TSG101: variants seen among roughly 807,000 people sequenced by gnomAD.
TSG101 encodes the protein tumor susceptibility 101.
A neutral mutation model predicts 48.5 loss-of-function variants in TSG101; 19 were observed. The observed-to-expected ratio is 0.39, with a 90% CI of 0.27 to 0.58. TSG101 has a LOEUF of 0.58. Among genes scored for constraint, TSG101 ranks in the 20% least tolerant of loss-of-function variants. The probability of loss-of-function intolerance (pLI) is 0.55; values close to 1 mark genes in which losing one functional copy is unlikely to be tolerated. For missense variants in TSG101, 365 were observed against 484.4 expected, an observed-to-expected ratio of 0.75 and a Z score of 2.31; for synonymous variants, 174 against 169.4, an observed-to-expected ratio of 1.03 and a Z score of -0.21.
chr11:18,495,003 C>T (rs1213077610), intron 7 of TSG101, among the ~76,000 whole-genome samples: 1 of 152,182 alleles, frequency 6.6e-6, no homozygotes, highest in African/African-American at 2.4e-5. Flanking sequence ...TACAGAAACA[C>T]ATCATTCAGC....
intron 1 of TSG101, among the ~76,000 whole-genome samples, chr11:18,520,434 A>G (rs1850250831): frequency 6.6e-6 from 1 of 152,120 alleles, no homozygotes; most frequent in Non-Finnish European, 1.5e-5. Context: ...TATGTTGCCC[A>G]GGCTGGTCTC....
In TSG101 at chr11:18,480,406, G is replaced by T; in HGVS notation, c.*140C>A. The T allele has an allele frequency of 1.5e-6, 1 of 652,690 alleles. No individual in the cohort carries two copies. Among genetic ancestry groups the T allele is most frequent in the Non-Finnish European group, 2.5e-6 (1 of 406,796 alleles). The allele number at this position is 652,690 out of a possible 1,614,324, so 40.4% of individuals were successfully genotyped here. A position where few individuals can be genotyped will look rare whatever the true frequency, so the allele number is the denominator to read the frequency against. ...TAATAAAAGCCAGTCTTTACCAAAA[G>T]AAAACAGAAAATATATTATTGATTC... On this transcript the variant is annotated 3_prime_UTR_variant, in exon 10 of 10. Transcript: ENST00000251968.
Position 18,502,588 on chromosome 11 carries a change from G to T in TSG101, c.549-11C>A. ...CAGCCTGGGTAACCACTAAAGACAAGAACAAAAAACATTTAACATTTAAGA... is the reference window on the plus strand; with the variant it reads ...CAGCCTGGGTAACCACTAAAGACAATAACAAAAAACATTTAACATTTAAGA... On this transcript the variant is annotated splice_polypyrimidine_tract_variant and intron_variant, in intron 6 of 9. Transcript: ENST00000251968. 6.3e-7 allele frequency: 1 copy of T among 1,599,670 alleles called. No homozygotes were observed. Among genetic ancestry groups the T allele is most frequent in the Non-Finnish European group, 8.5e-7 (1 of 1,170,898 alleles).
rs764538057 is a variant in TSG101 at position 18,481,704 on chromosome 11, C to T, written c.1009G>A (p.Ala337Thr). 3 of 1,614,102 alleles carry T rather than the reference C, an allele frequency of 1.9e-6. No homozygotes were observed. Among genetic ancestry groups the T allele is most frequent in the East Asian group, 2.2e-5 (1 of 44,874 alleles). The stretch of plus-strand genomic sequence containing the variant: ...AAGTAAAAGATAGTGTCTTCAATAG[C>T]GTTTTCTTCTGCATACAGATTCAGG... ...QILNLYAEEN[A>T]IEDTIFYLGE... The change falls in exon 9 of 10, where the codon GCT becomes ACT. Residue 337 changes from alanine to threonine, a missense_variant. Ala to Thr is a moderately conservative substitution (Grantham distance 58). Transcript: ENST00000251968.
intron 1 of TSG101, among the ~76,000 whole-genome samples, chr11:18,523,080 G>C (rs1412702556): frequency 6.6e-6 from 1 of 152,082 alleles, no homozygotes; most frequent in Non-Finnish European, 1.5e-5. Context: ...GTAGAGAAGA[G>C]ACAAGGTCAT....
chr11:18,498,804 A>G (rs1303367781), intron 7 of TSG101, among the ~76,000 whole-genome samples: 1 of 152,156 alleles, frequency 6.6e-6, no homozygotes, highest in Non-Finnish European at 1.5e-5. Flanking sequence ...CCAGGGTCAC[A>G]CCAATGTTAA....
At chr11:18,481,411 C>G (rs1254542663) in intron 9 of TSG101, 15 of 1,337,910 alleles carry the variant, frequency 1.1e-5, no homozygotes, top group Non-Finnish European at 1.1e-5. Flanking sequence ...GGGCAGAGAA[C>G]TGCAGCCACC....
chr11:18,502,024 C>T (rs1181534866), intron 7 of TSG101, among the ~76,000 whole-genome samples: 2 of 152,212 alleles, frequency 1.3e-5, no homozygotes, highest in Admixed American at 1.3e-4. Context: ...GAAATTCTCT[C>T]ACTGCCTTAG....
chr11:18,519,206 T>C (rs531650058), intron 2 of TSG101, among the ~76,000 whole-genome samples: 1 of 152,146 alleles, frequency 6.6e-6, no homozygotes, highest in East Asian at 1.9e-4. Context: ...GGTTTCACCA[T>C]ATTGCCCAGG....
At position 18,481,181 on chromosome 11, in the gene TSG101, T is replaced by G. The variant is rs746619849; in HGVS notation, c.1083+449A>C. On this transcript the variant is annotated intron_variant, in intron 9 of 9. Coordinates refer to ENST00000251968, the MANE Select transcript of TSG101 (RefSeq NM_006292.4). ...ACAACAGCATTAAGCTTGAGACAAC[T>G]TTCATACAAGAGGGCTTGAAAGGGC... 398 of 720,612 alleles carry G rather than the reference T, an allele frequency of 5.5e-4. 1 individual carries two copies. Among genetic ancestry groups the G allele is most frequent in the Non-Finnish European group, 6.5e-4 (383 of 588,696 alleles). The allele number at this position is 720,612 out of a possible 1,614,324, so 44.6% of individuals were successfully genotyped here.
intron 5 of TSG101, 126 bp downstream of exon 5, chr11:18,509,416 C>A (rs1850039142): frequency 7.6e-7 from 1 of 1,324,008 alleles, no homozygotes; most frequent in Non-Finnish European, 1.0e-6. Context: ...CAGAATACTT[C>A]CAAAAAATCC....
At chr11:18,514,428 T>C (rs1378510243) in intron 4 of TSG101, among the ~76,000 whole-genome samples, 1 of 152,226 alleles carries the variant, frequency 6.6e-6, no homozygotes, top group East Asian at 1.9e-4. Flanking sequence ...ATGTGAATCC[T>C]GCCTATTTTA....
chr11:18,516,549 T>C (rs1025318491), intron 2 of TSG101, among the ~76,000 whole-genome samples: 4 of 152,020 alleles, frequency 2.6e-5, no homozygotes, highest in Admixed American at 6.6e-5. Context: ...CTTCACCATG[T>C]TGGCTAGGCT....
intron 6 of TSG101, among the ~76,000 whole-genome samples, chr11:18,506,155 T>C (rs1478832039): frequency 6.6e-6 from 1 of 152,100 alleles, no homozygotes; most frequent in African/African-American, 2.4e-5. Context: ...AAGGTGTGTG[T>C]GTATAATTTG....
rs1047914958 is a variant in TSG101 at position 18,484,714 on chromosome 11, T to C, written c.641-642A>G. On this transcript the variant is annotated intron_variant, in intron 7 of 9. Transcript: ENST00000251968. ...ATGTCCCTTCCTAATCAGTATATTA[T>C]ATCATTTCCATGCATATTTCAGATC... Among the ~76,000 whole-genome samples, 6 of 152,246 alleles carry C rather than the reference T, an allele frequency of 3.9e-5. No homozygotes were observed. The South Asian group carries it at 6.2e-4, about 16-fold the overall frequency.
intron 7 of TSG101, among the ~76,000 whole-genome samples, chr11:18,493,701 A>G (rs536119923): frequency 2.4e-4 from 37 of 152,326 alleles, no homozygotes; most frequent in African/African-American, 8.2e-4. Context: ...ACATATGAGG[A>G]TTATTTTTCT....
intron 4 of TSG101, 44 bp downstream of exon 4, chr11:18,514,634 A>G: frequency 4.8e-6 from 7 of 1,469,088 alleles, no homozygotes; most frequent in Non-Finnish European, 6.3e-6. Context: ...AGTGAGCAAA[A>G]TATATAAAAC....
intron 6 of TSG101, among the ~76,000 whole-genome samples, chr11:18,503,869 A>G (rs948130065): frequency 1.3e-5 from 2 of 152,100 alleles, no homozygotes; most frequent in African/African-American, 4.8e-5. Context: ...CAATTCTATG[A>G]CATTTGCCTT....
At chr11:18,514,053 C>T (rs1850129295) in intron 4 of TSG101, among the ~76,000 whole-genome samples, 1 of 151,730 alleles carries the variant, frequency 6.6e-6, no homozygotes, top group African/African-American at 2.4e-5. Context: ...CCACTGCCCT[C>T]CAGCCTGGGC....
Sources: gnomAD v4.1 joint callset for allele counts (sites outside exome capture counted in the v4.1 genomes callset) on GRCh38, gnomAD v4.1.1 for gene constraint, MANE v1.5 for transcripts, NCBI Gene and HGNC (gene_info 2026-07-23, HGNC 2026-07-21) for gene names.